Variants in PRKCE observed in about 807,000 individuals in gnomAD.
PRKCE encodes protein kinase C epsilon.
Under a neutral mutation model 85.4 loss-of-function variants are expected in PRKCE, and 16 were observed. That is an observed-to-expected ratio of 0.19 (90% confidence interval 0.13 to 0.28). The LOEUF (loss-of-function observed/expected upper bound fraction) is 0.28, where lower values mean the gene tolerates loss of function less well. Among genes scored for constraint, PRKCE ranks in the 10% least tolerant of loss-of-function variants. PRKCE has a pLI of 1.00. For missense variants in PRKCE, 573 were observed against 975.2 expected (o/e 0.59, Z 5.49); for synonymous variants, 388 against 371.5 (o/e 1.04, Z -0.51).
At chr2:46,040,085 C>T (rs1447210633) in intron 10 of PRKCE, among the ~76,000 whole-genome samples, 1 of 152,186 alleles carries the variant, frequency 6.6e-6, no homozygotes, top group African/African-American at 2.4e-5. Context: ...TTAACCATGG[C>T]TGGAAGTTTC....
intron 2 of PRKCE, among the ~76,000 whole-genome samples, chr2:45,925,950 G>T (rs989541096): frequency 3.3e-5 from 5 of 152,218 alleles, no homozygotes; most frequent in South Asian, 2.1e-4. Flanking sequence ...ATTCGGTGGG[G>T]GAGGCAAGGC....
intron 2 of PRKCE, among the ~76,000 whole-genome samples, chr2:45,928,190 C>T (rs1698771749): frequency 1.3e-5 from 2 of 152,132 alleles, no homozygotes; most frequent in East Asian, 3.8e-4. Context: ...GTCCCAGTGA[C>T]CTCTACAAAT....
intron 2 of PRKCE, among the ~76,000 whole-genome samples, chr2:45,912,578 C>T (rs149592421): frequency 1.9e-4 from 29 of 152,212 alleles, no homozygotes; most frequent in African/African-American, 6.7e-4. Context: ...CAGCTCCTGG[C>T]AGTTGAAATA....
chr2:45,955,879 A>C (rs1054959428), intron 2 of PRKCE, among the ~76,000 whole-genome samples: 9 of 152,212 alleles, frequency 5.9e-5, no homozygotes, highest in African/African-American at 2.2e-4. Flanking sequence ...AATTACATAC[A>C]GTCGTATAAC....
At chr2:46,163,766 G>A (rs899921051) in intron 14 of PRKCE, among the ~76,000 whole-genome samples, 2 of 149,400 alleles carry the variant, frequency 1.3e-5, no homozygotes, top group African/African-American at 5.0e-5. Context: ...AGAGGCCACG[G>A]GAAAGGTGAG....
At chr2:45,896,530 A>G (rs577606944) in intron 2 of PRKCE, among the ~76,000 whole-genome samples, 1 of 152,270 alleles carries the variant, frequency 6.6e-6, no homozygotes, top group South Asian at 2.1e-4. Context: ...TGACTTTTAT[A>G]TACTAGGTTT....
chr2:45,773,721 G>A (rs929807803), intron 1 of PRKCE, among the ~76,000 whole-genome samples: 82 of 152,220 alleles, frequency 5.4e-4, no homozygotes, highest in African/African-American at 1.9e-3. Context: ...ATGGCAGGGA[G>A]GAGCAGGCCC....
At chr2:45,764,073 G>A (rs191139391) in intron 1 of PRKCE, among the ~76,000 whole-genome samples, 2 of 152,288 alleles carry the variant, frequency 1.3e-5, no homozygotes, top group South Asian at 2.1e-4. Flanking sequence ...GATCCCTTGG[G>A]TTGGGGCCAG....
At chr2:45,787,580 C>T (rs1033982039) in intron 1 of PRKCE, among the ~76,000 whole-genome samples, 7 of 152,122 alleles carry the variant, frequency 4.6e-5, no homozygotes, top group Admixed American at 3.3e-4. Context: ...GGAGGGGTGA[C>T]AAGACTCATG....
chr2:45,723,364 T>G (rs1680782708), intron 1 of PRKCE, among the ~76,000 whole-genome samples: 1 of 152,172 alleles, frequency 6.6e-6, no homozygotes, highest in African/African-American at 2.4e-5. Context: ...GTGCCTGTAA[T>G]AAGCCTCAGG....
rs373627930 is a variant in PRKCE at position 45,987,624 on chromosome 2, G to A, written c.823+2944G>A. ...CCCCACCAGCATCCCCACCACAGCAGCACACGTGCACAGCCACGGAACCTG... is the reference window on the plus strand; with the variant it reads ...CCCCACCAGCATCCCCACCACAGCAACACACGTGCACAGCCACGGAACCTG... On this transcript the variant is annotated intron_variant, in intron 6 of 14. Coordinates refer to ENST00000306156, the MANE Select transcript of PRKCE (RefSeq NM_005400.3). Among the ~76,000 whole-genome samples, 8 of 151,388 alleles carry A rather than the reference G, an allele frequency of 5.3e-5. No homozygotes were observed. In the East Asian group the frequency reaches 1.4e-3, roughly 26 times the overall value.
chr2:45,757,365 T>C (rs952027850), intron 1 of PRKCE, among the ~76,000 whole-genome samples: 1 of 144,776 alleles, frequency 6.9e-6, no homozygotes, highest in African/African-American at 2.6e-5. Context: ...AAACTGTCCA[T>C]TAATAAAGCT....
chr2:45,784,433 T>C (rs1346155330), intron 1 of PRKCE, among the ~76,000 whole-genome samples: 1 of 152,208 alleles, frequency 6.6e-6, no homozygotes, highest in Non-Finnish European at 1.5e-5. Context: ...ATCAGATTAA[T>C]TGGGATTTGC....
chr2:45,725,524 C>G (rs183454114), intron 1 of PRKCE, among the ~76,000 whole-genome samples: 33 of 152,144 alleles, frequency 2.2e-4, no homozygotes, highest in African/African-American at 7.9e-4. Flanking sequence ...CAATTGAAAA[C>G]CTTCTGGAAA....
intron 1 of PRKCE, among the ~76,000 whole-genome samples, chr2:45,669,940 G>A (rs1204439953): frequency 1.3e-5 from 2 of 152,184 alleles, no homozygotes; most frequent in African/African-American, 2.4e-5. Context: ...GAACCCAGGA[G>A]GCAGAGGTTG....
intron 10 of PRKCE, among the ~76,000 whole-genome samples, chr2:46,056,223 C>A (rs374091793): frequency 1.3e-5 from 2 of 151,086 alleles, no homozygotes; most frequent in Non-Finnish European, 2.9e-5. Context: ...TACTTCTTCA[C>A]GGTTAATGTT....
At chr2:45,930,084 C>G (rs913383808) in intron 2 of PRKCE, among the ~76,000 whole-genome samples, 3 of 152,184 alleles carry the variant, frequency 2.0e-5, no homozygotes, top group Admixed American at 6.5e-5. Flanking sequence ...TCTTATTATT[C>G]AAGTCTGATG....
intron 1 of PRKCE, among the ~76,000 whole-genome samples, chr2:45,671,967 G>C (rs759101758): frequency 2.4e-4 from 36 of 151,522 alleles, no homozygotes; most frequent in Admixed American, 1.1e-3. Context: ...GGAGGCTGAG[G>C]CAGGAGGATC....
At chr2:45,709,413 T>C (rs1010723296) in intron 1 of PRKCE, among the ~76,000 whole-genome samples, 2 of 152,264 alleles carry the variant, frequency 1.3e-5, no homozygotes, top group African/African-American at 4.8e-5. Flanking sequence ...AGCCAGCTAT[T>C]TGACCTTGGA....
Sources: gnomAD v4.1 joint callset for allele counts (sites outside exome capture counted in the v4.1 genomes callset) on GRCh38, gnomAD v4.1.1 for gene constraint, MANE v1.5 for transcripts, NCBI Gene and HGNC (gene_info 2026-07-23, HGNC 2026-07-21) for gene names.